The following FNDC3A variants were observed in gnomAD, a reference collection of about 807,000 sequenced individuals.
FNDC3A encodes fibronectin type III domain containing 3A.
In FNDC3A, 32 loss-of-function variants were observed where a neutral mutation model predicts 148.9. The ratio of observed to expected loss-of-function variants is 0.21; its 90% CI spans 0.16 to 0.29. The LOEUF (loss-of-function observed/expected upper bound fraction) is 0.29. Among genes scored for constraint, FNDC3A ranks in the 10% least tolerant of loss-of-function variants. The probability of loss-of-function intolerance (pLI) is 1.00; values close to 1 mark genes in which losing one functional copy is unlikely to be tolerated. For missense variants in FNDC3A, 1,191 were observed against 1,452.8 expected (o/e 0.82, Z 2.93); for synonymous variants, 472 against 473.6 (o/e 1.00, Z 0.04).
intron 24 of FNDC3A, 93 bp downstream of exon 24, chr13:49,202,059 C>T: frequency 2.5e-6 from 2 of 807,704 alleles, no homozygotes; most frequent in Non-Finnish European, 3.7e-6. Flanking sequence ...TAAAATTTAG[C>T]ATCCAGTATA....
intron 2 of FNDC3A, among the ~76,000 whole-genome samples, chr13:49,052,336 A>G (rs1417079077): frequency 6.6e-6 from 1 of 152,140 alleles, no homozygotes; most frequent in African/African-American, 2.4e-5. Flanking sequence ...CTGAGATTCA[A>G]GAGTTGCTGT....
intron 3 of FNDC3A, among the ~76,000 whole-genome samples, chr13:49,078,549 C>A (rs1297198232): frequency 6.6e-6 from 1 of 152,152 alleles, no homozygotes; most frequent in Non-Finnish European, 1.5e-5. Context: ...GAAGGCTCTC[C>A]CCTCTTTATG....
At chr13:49,122,113 C>G (rs1881388864) in intron 4 of FNDC3A, among the ~76,000 whole-genome samples, 1 of 152,144 alleles carries the variant, frequency 6.6e-6, no homozygotes. Context: ...AAATAACTGG[C>G]AAACTGAATT....
At chr13:49,017,225 G>T (rs567175348) in intron 2 of FNDC3A, among the ~76,000 whole-genome samples, 147 of 152,232 alleles carry the variant, frequency 9.7e-4, no homozygotes, top group Non-Finnish European at 1.7e-3. Context: ...CATTATTAAT[G>T]TGTGGGAGTC....
At chr13:49,188,838 T>G (rs1885728686) in intron 17 of FNDC3A, among the ~76,000 whole-genome samples, 1 of 152,236 alleles carries the variant, frequency 6.6e-6, no homozygotes, top group Admixed American at 6.5e-5. Context: ...GTCTGTTGTC[T>G]GGTTGGTATT....
intron 4 of FNDC3A, among the ~76,000 whole-genome samples, chr13:49,126,881 T>C (rs185643744): frequency 2.3e-3 from 343 of 152,298 alleles, no homozygotes; most frequent in African/African-American, 7.9e-3. Context: ...GTGTTACAAA[T>C]ATCCAGCAAG....
At chr13:48,982,358 T>G (rs1195317991) in intron 1 of FNDC3A, among the ~76,000 whole-genome samples, 1 of 152,244 alleles carries the variant, frequency 6.6e-6, no homozygotes, top group South Asian at 2.1e-4. Context: ...CTAAAAAAAA[T>G]TTTTAGCATA....
At chr13:49,004,530 T>A (rs906233826) in intron 1 of FNDC3A, among the ~76,000 whole-genome samples, 33 of 152,116 alleles carry the variant, frequency 2.2e-4, no homozygotes, top group African/African-American at 7.9e-4. Flanking sequence ...CTATACCCAG[T>A]CTCTAATAGC....
chr13:49,194,842 A>G (rs1886072808), intron 19 of FNDC3A, among the ~76,000 whole-genome samples: 1 of 152,106 alleles, frequency 6.6e-6, no homozygotes, highest in Admixed American at 6.5e-5. Flanking sequence ...TTTAAACTAT[A>G]TAAAGTTTTA....
At chr13:49,009,534 A>G (rs948362700) in intron 2 of FNDC3A, among the ~76,000 whole-genome samples, 2 of 152,222 alleles carry the variant, frequency 1.3e-5, no homozygotes, top group African/African-American at 4.8e-5. Flanking sequence ...GTGAGAAACT[A>G]CCAAACTGTC....
At chr13:49,086,194 CT>C (rs1441904967) in intron 3 of FNDC3A, among the ~76,000 whole-genome samples, 1 of 152,180 alleles carries the variant, frequency 6.6e-6, no homozygotes, top group Non-Finnish European at 1.5e-5. Context: ...TCCCATCTAT[CT>C]TTGTAGGTGG....
At chr13:48,977,852 A>G (rs1951630523) in intron 1 of FNDC3A, among the ~76,000 whole-genome samples, 1 of 152,150 alleles carries the variant, frequency 6.6e-6, no homozygotes, top group Non-Finnish European at 1.5e-5. Flanking sequence ...GTTTCATTTC[A>G]TAGATCATCT....
chr13:49,092,712 C>A (rs1012883583), intron 3 of FNDC3A, among the ~76,000 whole-genome samples: 5 of 151,600 alleles, frequency 3.3e-5, no homozygotes, highest in African/African-American at 9.7e-5. Context: ...CTTCAAAACC[C>A]AATACTAGTT....
chr13:49,050,342 A>C (rs1035565121), intron 2 of FNDC3A, among the ~76,000 whole-genome samples: 1 of 152,166 alleles, frequency 6.6e-6, no homozygotes, highest in African/African-American at 2.4e-5. Flanking sequence ...AGGTTGTGTC[A>C]CTATTATCAT....
intron 3 of FNDC3A, among the ~76,000 whole-genome samples, chr13:49,114,303 A>G (rs910936224): frequency 6.6e-6 from 1 of 152,084 alleles, no homozygotes; most frequent in East Asian, 1.9e-4. Flanking sequence ...TTACACTATT[A>G]TAAGAGTCAC....
At chr13:49,020,553 C>T (rs1049543310) in intron 2 of FNDC3A, among the ~76,000 whole-genome samples, 2 of 152,218 alleles carry the variant, frequency 1.3e-5, no homozygotes, top group African/African-American at 2.4e-5. Context: ...ATAGTCTTCA[C>T]CTGAGACCCA....
At chr13:49,079,632 A>G (rs1327042523) in intron 3 of FNDC3A, among the ~76,000 whole-genome samples, 2 of 152,220 alleles carry the variant, frequency 1.3e-5, no homozygotes, top group East Asian at 3.8e-4. Flanking sequence ...AATATGTGGT[A>G]CCTGTTGAAC....
intron 19 of FNDC3A, among the ~76,000 whole-genome samples, chr13:49,192,291 A>G (rs760592042): frequency 3.3e-5 from 5 of 151,782 alleles, no homozygotes; most frequent in South Asian, 2.1e-4. Flanking sequence ...TTATTTTTCA[A>G]TTTATTTCTG....
Position 49,145,807 on chromosome 13 carries a change from A to G in FNDC3A, c.849A>G (p.Val283=). ...CCGACATCCAGGCAAGGACAGTAGT[A>G]CTTACCTGGTCACCACCTTCCAGCC... ...VASDIQARTV[V]LTWSPPSSLI... Residue 283 remains valine (V), a synonymous_variant, in exon 8 of 26, where the codon GTA becomes GTG. Coordinates refer to ENST00000492622, the MANE Select transcript of FNDC3A (RefSeq NM_001079673.2). 1 of 1,613,926 alleles carries G rather than the reference A, an allele frequency of 6.2e-7. No homozygotes were observed. Among genetic ancestry groups the G allele is most frequent in the Non-Finnish European group, 8.5e-7 (1 of 1,179,846 alleles).
Sources: gnomAD v4.1 joint callset for allele counts (sites outside exome capture counted in the v4.1 genomes callset) on GRCh38, gnomAD v4.1.1 for gene constraint, MANE v1.5 for transcripts, NCBI Gene and HGNC (gene_info 2026-07-23, HGNC 2026-07-21) for gene names.